Variants in AFF3 observed in about 807,000 individuals in gnomAD.
AFF3 encodes AF4/FMR2 family member 3.
A neutral mutation model predicts 129.7 loss-of-function variants in AFF3; 32 were observed. The observed-to-expected ratio is 0.25, with a 90% confidence interval of 0.19 to 0.33. The LOEUF (loss-of-function observed/expected upper bound fraction) is 0.33, where lower values mean the gene tolerates loss of function less well. Ranked by LOEUF, AFF3 falls within the 10% of genes least tolerant of loss-of-function variation. The pLI is 1.00. For missense variants in AFF3, 1,373 were observed against 1,592.0 expected, an observed-to-expected ratio of 0.86 and a Z score of 2.34; for synonymous variants, 644 against 635.4, an observed-to-expected ratio of 1.01 and a Z score of -0.20.
chr2:99,998,835 G>A (rs1353637227), intron 7 of AFF3, among the ~76,000 whole-genome samples: 1 of 152,150 alleles, frequency 6.6e-6, no homozygotes, highest in African/African-American at 2.4e-5. Flanking sequence ...AAGGCTGAGA[G>A]ACATTCTGGG....
chr2:99,595,841 G>A (rs752509047), intron 14 of AFF3, among the ~76,000 whole-genome samples: 48 of 152,228 alleles, frequency 3.2e-4, no homozygotes, highest in Non-Finnish European at 6.8e-4. Flanking sequence ...CAGAGCGTGG[G>A]GATCAGGCAA....
intron 7 of AFF3, among the ~76,000 whole-genome samples, chr2:99,934,799 T>TCCTTCTG (rs969855825): frequency 3.3e-5 from 5 of 152,134 alleles, no homozygotes; most frequent in Non-Finnish European, 7.4e-5. Flanking sequence ...CTCAGCTAGG[T>TCCTTCTG]CCTTCTGGAT....
At chr2:100,019,821 C>G (rs1164282495) in intron 4 of AFF3, among the ~76,000 whole-genome samples, 1 of 152,100 alleles carries the variant, frequency 6.6e-6, no homozygotes, top group African/African-American at 2.4e-5. Context: ...CCCTTTCCTC[C>G]TCTCTGGGGG....
chr2:99,919,046 C>T (rs996193075), intron 7 of AFF3, among the ~76,000 whole-genome samples: 3 of 152,212 alleles, frequency 2.0e-5, no homozygotes, highest in South Asian at 4.1e-4. Context: ...CTTTATGGTA[C>T]ATCTTAGGTT....
intron 13 of AFF3, among the ~76,000 whole-genome samples, chr2:99,644,344 C>T (rs1057245495): frequency 3.3e-5 from 5 of 151,110 alleles, no homozygotes; most frequent in South Asian, 2.1e-4. Context: ...CTTTTTTGCT[C>T]GTTCCTCTCT....
At chr2:100,062,946 G>A (rs573291577) in intron 4 of AFF3, among the ~76,000 whole-genome samples, 2 of 152,188 alleles carry the variant, frequency 1.3e-5, no homozygotes, top group Non-Finnish European at 2.9e-5. Flanking sequence ...AGTAACAAGT[G>A]ACTATCAAAA....
intron 7 of AFF3, among the ~76,000 whole-genome samples, chr2:99,867,651 GA>G (rs919349470): frequency 6.6e-6 from 1 of 151,510 alleles, no homozygotes; most frequent in African/African-American, 2.4e-5. Context: ...TGATAAGTGA[GA>G]ACTGCAGGTG....
At chr2:99,764,349 C>A (rs1265159017) in intron 8 of AFF3, among the ~76,000 whole-genome samples, 1 of 152,132 alleles carries the variant, frequency 6.6e-6, no homozygotes, top group East Asian at 1.9e-4. Flanking sequence ...AGTCAAGATA[C>A]AGTCTTCACC....
At chr2:99,553,698 G>A (rs1050302655) in intron 24 of AFF3, among the ~76,000 whole-genome samples, 2 of 151,928 alleles carry the variant, frequency 1.3e-5, no homozygotes, top group African/African-American at 2.4e-5. Flanking sequence ...CAGATCACGA[G>A]GTCAAGAGAT....
intron 8 of AFF3, among the ~76,000 whole-genome samples, chr2:99,773,228 T>C (rs1310963413): frequency 6.6e-6 from 1 of 152,210 alleles, no homozygotes; most frequent in East Asian, 1.9e-4. Flanking sequence ...CACAGCTAAG[T>C]TTCTGAGGGC....
At chr2:99,946,483 A>AAAAAAAAAAAC in intron 7 of AFF3, among the ~76,000 whole-genome samples, 1 of 96,596 alleles carries the variant, frequency 1.0e-5, no homozygotes, top group Non-Finnish European at 2.2e-5. Context: ...TAAAAAAAAA[A>AAAAAAAAAAAC]AAAAAAAAAA....
intron 7 of AFF3, among the ~76,000 whole-genome samples, chr2:99,922,672 G>A: frequency 6.6e-6 from 1 of 152,174 alleles, no homozygotes; most frequent in Non-Finnish European, 1.5e-5. Flanking sequence ...GGTAAATTTA[G>A]TAACTGAACA....
intron 11 of AFF3, among the ~76,000 whole-genome samples, chr2:99,689,289 G>A (rs781165264): frequency 2.6e-5 from 4 of 152,106 alleles, no homozygotes; most frequent in Admixed American, 6.6e-5. Flanking sequence ...TCAGCTGACT[G>A]CAGCTGCTGC....
chr2:99,634,886 C>G (rs1417494996), intron 13 of AFF3, among the ~76,000 whole-genome samples: 7 of 151,642 alleles, frequency 4.6e-5, no homozygotes, highest in Admixed American at 4.6e-4. Context: ...GGCAGGAGAA[C>G]AGAGCAGCCC....
chr2:99,894,739 T>C (rs1332400249), intron 7 of AFF3, among the ~76,000 whole-genome samples: 1 of 152,038 alleles, frequency 6.6e-6, no homozygotes, highest in Non-Finnish European at 1.5e-5. Flanking sequence ...CCTCCCAAAG[T>C]GTTGGGATTA....
At chr2:99,788,367 A>G (rs1002859505) in intron 8 of AFF3, among the ~76,000 whole-genome samples, 8 of 152,176 alleles carry the variant, frequency 5.3e-5, no homozygotes, top group African/African-American at 1.4e-4. Flanking sequence ...CCAGTGGGAC[A>G]AGATGTGGAG....
chr2:99,759,046 GTC>G (rs1001980214), intron 8 of AFF3, among the ~76,000 whole-genome samples: 1 of 152,090 alleles, frequency 6.6e-6, no homozygotes, highest in Non-Finnish European at 1.5e-5. Context: ...TTCCTCATAT[GTC>G]TCTGAGTCTC....
intron 7 of AFF3, among the ~76,000 whole-genome samples, chr2:99,919,583 A>T (rs1695718835): frequency 6.6e-6 from 1 of 152,200 alleles, no homozygotes; most frequent in Non-Finnish European, 1.5e-5. Flanking sequence ...AAAAGTCTTC[A>T]TTATTTAAAA....
chr2:99,873,180 A>G (rs1009484157), intron 7 of AFF3, among the ~76,000 whole-genome samples: 5 of 152,250 alleles, frequency 3.3e-5, no homozygotes, highest in Non-Finnish European at 5.9e-5. Flanking sequence ...TCCACTGTTG[A>G]GATTTAATAA....
Sources: gnomAD v4.1 joint callset for allele counts (sites outside exome capture counted in the v4.1 genomes callset) on GRCh38, gnomAD v4.1.1 for gene constraint, MANE v1.5 for transcripts, NCBI Gene and HGNC (gene_info 2026-07-23, HGNC 2026-07-21) for gene names.